Variants in FAM131A observed in about 807,000 individuals in gnomAD.
The protein encoded by FAM131A is family with sequence similarity 131 member A.
In FAM131A, 24 loss-of-function variants were observed where a neutral mutation model predicts 39.2. The ratio of observed to expected loss-of-function variants is 0.61; its 90% CI spans 0.44 to 0.86. The LOEUF is 0.86. Ranked by LOEUF, FAM131A falls within the 40% of genes least tolerant of loss-of-function variation. The probability of loss-of-function intolerance (pLI) is 0.00; values close to 1 mark genes in which losing one functional copy is unlikely to be tolerated. For synonymous variants in FAM131A, 202 were observed against 206.8 expected (o/e 0.98, Z 0.20); for missense variants, 373 against 481.2 (o/e 0.78, Z 2.10).
At chr3:184,335,950 G>C (rs1727055882), upstream of FAM131A, 1 of 152,296 alleles carries the variant, frequency 6.6e-6, no homozygotes, top group South Asian at 2.1e-4. Context: ...TCCCTCTCCG[G>C]GGAGCGGCGG....
rs145523198 is a variant in FAM131A at position 184,344,758 on chromosome 3, G to A, written c.889G>A (p.Gly297Ser). Residue 297 changes from glycine (G) to serine (S), a missense_variant, in exon 6 of 6, where the codon GGC becomes AGC. Physicochemically the swap from Gly to Ser is moderately conservative, Grantham distance 56 (BLOSUM62 0). Around this residue, in one of 2 missense-constraint regions of FAM131A, gnomAD observed 152 missense variants for 133.5 expected, o/e 1.14. Transcript: ENST00000383847. ...CCGGGAAAGTGCCTTCCGCAGCCTG[G>A]GCCCACTGGAGGCCCAGGACTCACT... is the stretch of plus-strand genomic sequence containing the variant. ...PSRESAFRSLGPLEAQDSLYN... is the reference protein window; with the variant it reads ...PSRESAFRSLSPLEAQDSLYN... The A allele has an allele frequency of 7.4e-6, 12 of 1,612,318 alleles. No homozygotes were observed. The highest frequency in any genetic ancestry group is 8.5e-6 in the Non-Finnish European group (10 of 1,179,964).
intron 2 of FAM131A, 158 bp downstream of exon 2, chr3:184,338,687 T>C: frequency 1.1e-6 from 1 of 904,168 alleles, no homozygotes; most frequent in African/African-American, 1.7e-5. Flanking sequence ...CGTGCCGGTC[T>C]GCTCTGCTCG....
At position 184,337,693 on chromosome 3, in the gene FAM131A, A is replaced by G. The variant is rs1387209551; in HGVS notation, c.63A>G (p.Arg21=). 7 of 1,537,266 alleles carry G rather than the reference A, an allele frequency of 4.6e-6. No individual in the cohort carries two copies. The highest frequency in any genetic ancestry group is 6.1e-6 in the Non-Finnish European group (7 of 1,146,918). The change falls in exon 1 of 6, where the codon CGA becomes CGG. Residue 21 remains arginine, a synonymous_variant. Coordinates refer to ENST00000383847, the MANE Select transcript of FAM131A (RefSeq NM_144635.5). ...FLWQREGPGG[R]WTCQTSRRVS... ...GGCAGCGTGAAGGGCCTGGAGGACGATGGACTTGTCAGACAAGTCGCAGAG... is the reference window on the plus strand; with the variant it reads ...GGCAGCGTGAAGGGCCTGGAGGACGGTGGACTTGTCAGACAAGTCGCAGAG...
chr3:184,342,151 C>T lies in FAM131A; in HGVS notation c.411C>T (p.Gly137=), dbSNP rs369730760. Residue 137 remains glycine, a synonymous_variant, in exon 4 of 6, where the codon GGC becomes GGT. Coordinates refer to ENST00000383847, the MANE Select transcript of FAM131A (RefSeq NM_144635.5). The surrounding 1 kb of genome is among the most constrained non-coding windows in gnomAD (Gnocchi z 4.6). ...TGGCTCACCTCATTGAGTGGAAGGG[C>T]TGGAGCAAGCCGAGTGACTCACCTG... The part of the protein sequence containing the change: ...GRVAHLIEWK[G]WSKPSDSPAA... 7.4e-6 allele frequency: 12 copies of T among 1,614,108 alleles called. No individual in the cohort carries two copies. The highest frequency in any genetic ancestry group is 6.7e-5 in the African/African-American group (5 of 74,932).
upstream of FAM131A, among the ~76,000 whole-genome samples, chr3:184,336,288 A>C (rs1254533207): frequency 6.6e-6 from 1 of 152,104 alleles, no homozygotes; most frequent in African/African-American, 2.4e-5. The surrounding 1 kb of genome is among the most constrained non-coding windows in gnomAD (Gnocchi z 5.5). Flanking sequence ...TGAGCAGGGA[A>C]GGGGCCAGAC....
Position 184,346,034 on chromosome 3 carries a change from G to T in FAM131A, c.*1064G>T. Reference sequence around the variant, plus strand: ...GCCAGGGTGTTAATGCCCACGTAGTGGAGGCCTCTGGCAGATCCTGCATTC... The same window carrying T: ...GCCAGGGTGTTAATGCCCACGTAGTTGAGGCCTCTGGCAGATCCTGCATTC... On this transcript the variant is annotated 3_prime_UTR_variant, in exon 6 of 6. Coordinates refer to ENST00000383847, the MANE Select transcript of FAM131A (RefSeq NM_144635.5). The surrounding 1 kb of genome is among the most constrained non-coding windows in gnomAD (Gnocchi z 6.0). 1 of 185,766 alleles carries T rather than the reference G, an allele frequency of 5.4e-6. No individual in the cohort carries two copies. Among genetic ancestry groups the T allele is most frequent in the Non-Finnish European group, 1.1e-5 (1 of 88,706 alleles). The allele number at this position is 185,766 out of a possible 1,614,324, so 11.5% of individuals were successfully genotyped here.
Position 184,345,176 on chromosome 3 carries a change from TCCCGGGGCTTGCCGGGGGTTG to T in FAM131A, c.*215_*235del. The T allele has an allele frequency of 1.7e-6, 1 of 604,586 alleles. No homozygotes were observed. The highest frequency in any genetic ancestry group is 2.8e-6 in the Non-Finnish European group (1 of 352,756). The allele number at this position is 604,586 out of a possible 1,614,324, so 37.5% of individuals were successfully genotyped here. A position where few individuals can be genotyped will look rare whatever the true frequency, so the allele number is the denominator to read the frequency against. On this transcript the variant is annotated 3_prime_UTR_variant, in exon 6 of 6. Transcript: ENST00000383847. The stretch of plus-strand genomic sequence containing the variant: ...CTGGGGGCGCATGTCCTGCCCCCAC[TCCCGGGGCTTGCCGGGGGTTG>T]CCCGGGGCCTCTGGGGCATGGCTAC...
In FAM131A at chr3:184,345,685, T is replaced by C; in HGVS notation, c.*715T>C. 3.1e-6 allele frequency: 2 copies of C among 646,878 alleles called. No homozygotes were observed. The highest frequency in any genetic ancestry group is 5.5e-6 in the Non-Finnish European group (2 of 362,926). The allele number at this position is 646,878 out of a possible 1,614,324, so 40.1% of individuals were successfully genotyped here. On this transcript the variant is annotated 3_prime_UTR_variant, in exon 6 of 6. Transcript: ENST00000383847. ...TGGCCCCCTAATGGGGCCTGGGCCC[T>C]TTCCCAACCCCTCCTAGGATGTGCG...
rs1344493503 is a variant in FAM131A at position 184,338,585 on chromosome 3, T to C, written c.231+56T>C. 2.0e-6 allele frequency: 3 copies of C among 1,513,956 alleles called. No individual in the cohort carries two copies. The Admixed American group carries it at 6.3e-5, about 32-fold the overall frequency. The allele number at this position is 1,513,956 out of a possible 1,614,324, so 93.8% of individuals were successfully genotyped here. ...GGACGTCATCCATATAAAGGGGATC[T>C]GCAGCCCCCACCCACGCCTGGCCAG... On this transcript the variant is annotated intron_variant, in intron 2 of 5. Coordinates refer to ENST00000383847, the MANE Select transcript of FAM131A (RefSeq NM_144635.5).
chr3:184,337,508 C>A, upstream of FAM131A: 1 of 825,546 alleles, frequency 1.2e-6, no homozygotes, highest in South Asian at 1.6e-5. Context: ...CCTTATGTGA[C>A]TAGGCACAGG....
rs1560244745 is a variant in FAM131A, at chr3:184,344,724, G to GC, written c.861dup (p.Ser288GlnfsTer60). On this transcript the variant is annotated frameshift_variant, in exon 6 of 6. Coordinates refer to ENST00000383847, the MANE Select transcript of FAM131A (RefSeq NM_144635.5). LOFTEE classifies it high-confidence loss of function. ...GCGATGAGCTGCTTCTCGCCAAACT[G>GC]CCCCCCAGCCGGGAAAGTGCCTTCC... 3.1e-6 allele frequency: 5 copies of GC among 1,612,156 alleles called. No homozygotes were observed. Among genetic ancestry groups the GC allele is most frequent in the Non-Finnish European group, 1.7e-6 (2 of 1,179,960 alleles).
intron 2 of FAM131A, chr3:184,340,793 C>T (rs13322510): frequency 0.3 from 45,384 of 152,024 alleles, 7,343 homozygotes; most frequent in Admixed American, 0.42. Context: ...TGACTAAGGG[C>T]CACAAATGGG....
Position 184,341,410 on chromosome 3 carries a change from C to T in FAM131A, c.232-314C>T, listed in dbSNP as rs183077250. Reference sequence around the variant, plus strand: ...CACACTCTTCTTCCTTCCTCCTCTTCCCTCTCCTCAGAGGTCTCACTCGTG... The same window carrying T: ...CACACTCTTCTTCCTTCCTCCTCTTTCCTCTCCTCAGAGGTCTCACTCGTG... On this transcript the variant is annotated intron_variant, in intron 2 of 5. Coordinates refer to ENST00000383847, the MANE Select transcript of FAM131A (RefSeq NM_144635.5). The T allele has an allele frequency of 1.3e-3, 553 of 429,024 alleles. 4 individuals carry two copies. The Admixed American group carries it at 0.017, about 13-fold the overall frequency. The allele number at this position is 429,024 out of a possible 1,614,324, so 26.6% of individuals were successfully genotyped here. A position where few individuals can be genotyped will look rare whatever the true frequency, so the allele number is the denominator to read the frequency against.
At chr3:184,343,453 A>G (rs888038061) in intron 5 of FAM131A, among the ~76,000 whole-genome samples, 1 of 152,120 alleles carries the variant, frequency 6.6e-6, no homozygotes, top group Admixed American at 6.5e-5. Context: ...CCCTCCTTTC[A>G]TCTTTCATTC....
chr3:184,338,443 C>T lies in FAM131A; in HGVS notation c.145C>T (p.Leu49=). 1 of 1,521,098 alleles carries T rather than the reference C, an allele frequency of 6.6e-7. No homozygotes were observed. The highest frequency in any genetic ancestry group is 8.8e-7 in the Non-Finnish European group (1 of 1,140,084). 94.2% of individuals were successfully genotyped at this position (1,521,098 alleles called of 1,614,324 possible). A position where few individuals can be genotyped will look rare whatever the true frequency, so the allele number is the denominator to read the frequency against. Reference sequence around the variant, plus strand: ...GATCGAACTTCCTCGGGGTCTCTCTCTATCCTCTTTGGGATCTGCTCGAAC... The same window carrying T: ...GATCGAACTTCCTCGGGGTCTCTCTTTATCCTCTTTGGGATCTGCTCGAAC... ...EWIELPRGLS[L]SSLGSARTLR... Residue 49 remains leucine, a synonymous_variant, in exon 2 of 6, where the codon CTA becomes TTA. Coordinates refer to ENST00000383847, the MANE Select transcript of FAM131A (RefSeq NM_144635.5).
In FAM131A at chr3:184,344,951, C is replaced by T. The variant is rs1456432816; in HGVS notation, c.1082C>T (p.Ala361Val). 1.2e-5 allele frequency: 19 copies of T among 1,573,660 alleles called. No individual in the cohort carries two copies. Among genetic ancestry groups the T allele is most frequent in the Non-Finnish European group, 1.5e-5 (18 of 1,163,320 alleles). The stretch of plus-strand genomic sequence containing the variant: ...GTGGTGTCCTTAGATGAGGATGAGG[C>T]AGAGCCAGAGGAACAGTGACCCACA... ...SGVVSLDEDE[A>V]EPEEQ Residue 361 changes from alanine (A) to valine (V), a missense_variant, in exon 6 of 6, where the codon GCA (alanine) becomes GTA (valine). Transcript: ENST00000383847.
intron 2 of FAM131A, chr3:184,338,770 G>C: frequency 2.0e-6 from 1 of 492,218 alleles, no homozygotes; most frequent in South Asian, 2.6e-5. Flanking sequence ...TATCCCGGGA[G>C]ACCCTGTTGC....
intron 5 of FAM131A, among the ~76,000 whole-genome samples, chr3:184,343,949 T>C (rs908963719): frequency 6.6e-6 from 1 of 152,066 alleles, no homozygotes; most frequent in African/African-American, 2.4e-5. Flanking sequence ...TGTATGGCCA[T>C]AGGCGGTGAC....
At chr3:184,343,762 C>G (rs1310163620) in intron 5 of FAM131A, among the ~76,000 whole-genome samples, 2 of 152,210 alleles carry the variant, frequency 1.3e-5, no homozygotes, top group African/African-American at 4.8e-5. Flanking sequence ...AACATTTATC[C>G]AAGGCTGCTA....
Sources: allele counts gnomAD v4.1 joint callset (sites outside exome capture counted in the v4.1 genomes callset), GRCh38; gene constraint gnomAD v4.1.1; regional missense constraint gnomAD v4.1.1; non-coding constraint Gnocchi (gnomAD v3.1); transcripts MANE v1.5; gene names NCBI Gene and HGNC (gene_info 2026-07-23, HGNC 2026-07-21).